The following HSPA12A variants were observed in gnomAD, a reference collection of about 807,000 sequenced individuals.
HSPA12A encodes the protein heat shock 70 kDa protein 12A.
Under a neutral mutation model 69.2 loss-of-function variants are expected in HSPA12A, and 28 were observed. That is an observed-to-expected ratio of 0.40 (90% CI 0.30 to 0.55). The LOEUF is 0.55. Ranked by LOEUF, HSPA12A falls within the 20% of genes least tolerant of loss-of-function variation. The pLI is 0.38. For missense variants in HSPA12A, 686 were observed against 900.7 expected (o/e 0.76, Z 3.05); for synonymous variants, 345 against 370.5 (o/e 0.93, Z 0.79).
At chr10:116,835,036 G>GA in intron 1 of HSPA12A, 2 of 1,223,350 alleles carry the variant, frequency 1.6e-6, no homozygotes, top group Non-Finnish European at 1.0e-6. Context: ...TAGGAGGGGG[G>GA]AAAAGAGTTG....
At chr10:116,837,888 GC>G (rs894336294) in intron 1 of HSPA12A, among the ~76,000 whole-genome samples, 11 of 151,814 alleles carry the variant, frequency 7.2e-5, no homozygotes, top group Non-Finnish European at 1.5e-4. Flanking sequence ...TATGTTGATA[GC>G]CTTTTAAACA....
intron 1 of HSPA12A, among the ~76,000 whole-genome samples, chr10:116,731,759 C>T (rs547951837): frequency 1.3e-5 from 2 of 152,228 alleles, no homozygotes; most frequent in South Asian, 4.1e-4. Context: ...ATATCGTGCC[C>T]CCTAACTCCC....
At chr10:116,748,567 G>C (rs1851702391) in intron 2 of HSPA12A, among the ~76,000 whole-genome samples, 1 of 152,154 alleles carries the variant, frequency 6.6e-6, no homozygotes, top group African/African-American at 2.4e-5. Context: ...TGCTGACAAA[G>C]ACATGCCTGA....
intron 2 of HSPA12A, among the ~76,000 whole-genome samples, chr10:116,792,064 T>G (rs1844710625): frequency 6.6e-6 from 1 of 151,670 alleles, no homozygotes; most frequent in Non-Finnish European, 1.5e-5. Flanking sequence ...AATAATAATA[T>G]AATAATAATG....
intron 2 of HSPA12A, among the ~76,000 whole-genome samples, chr10:116,795,172 C>T (rs973105014): frequency 6.6e-6 from 1 of 152,258 alleles, no homozygotes; most frequent in Non-Finnish European, 1.5e-5. Context: ...TGCAACATGG[C>T]CTTCTTCCAC....
At chr10:116,850,209 TC>T (rs1222500065), upstream of HSPA12A, 2 of 221,126 alleles carry the variant, frequency 9.0e-6, no homozygotes, top group African/African-American at 4.7e-5. Context: ...TCCTACTGGC[TC>T]CTCTGCCGGG....
chr10:116,820,819 T>C (rs1168094594), intron 2 of HSPA12A, among the ~76,000 whole-genome samples: 23 of 152,056 alleles, frequency 1.5e-4, no homozygotes, highest in Non-Finnish European at 1.5e-4. Context: ...GTAACTCTAA[T>C]AAACAGACCC....
intron 1 of HSPA12A, among the ~76,000 whole-genome samples, chr10:116,734,523 G>A (rs1198629909): frequency 2.0e-5 from 3 of 151,564 alleles, no homozygotes; most frequent in African/African-American, 7.3e-5. Context: ...TTCTTATAGG[G>A]ACAATGTCTT....
intron 5 of HSPA12A, among the ~76,000 whole-genome samples, chr10:116,697,468 G>A (rs1460398916): frequency 6.6e-6 from 1 of 151,778 alleles, no homozygotes; most frequent in Non-Finnish European, 1.5e-5. Flanking sequence ...AGGGGGAGGA[G>A]GGGGAGAAAT....
intron 2 of HSPA12A, among the ~76,000 whole-genome samples, chr10:116,813,571 T>TTAAAA (rs1326381887): frequency 6.6e-6 from 1 of 151,890 alleles, no homozygotes; most frequent in African/African-American, 2.4e-5. Flanking sequence ...TTATACATAA[T>TTAAAA]GTCTGGCATT....
chr10:116,787,478 T>C (rs1476508209), intron 2 of HSPA12A, among the ~76,000 whole-genome samples: 2 of 147,152 alleles, frequency 1.4e-5, no homozygotes. Flanking sequence ...AGGCGCCTTC[T>C]GTGAAGTGAT....
At chr10:116,769,951 G>A (rs927728393) in intron 2 of HSPA12A, among the ~76,000 whole-genome samples, 3 of 152,180 alleles carry the variant, frequency 2.0e-5, no homozygotes, top group African/African-American at 7.2e-5. Flanking sequence ...GCTCGCTTGA[G>A]AGTCAGCTCT....
At chr10:116,692,991 T>C (rs1223583296) in intron 5 of HSPA12A, among the ~76,000 whole-genome samples, 6 of 152,178 alleles carry the variant, frequency 3.9e-5, no homozygotes, top group Admixed American at 3.3e-4. Context: ...GAGACTTTGA[T>C]ATGCTCAGTA....
At chr10:116,815,566 C>A (rs969957455) in intron 2 of HSPA12A, among the ~76,000 whole-genome samples, 3 of 152,060 alleles carry the variant, frequency 2.0e-5, no homozygotes, top group Admixed American at 6.6e-5. Context: ...AAGAGTGAGA[C>A]CCTGTCTCAA....
At position 116,735,451 on chromosome 10, in the gene HSPA12A, C is replaced by G. The variant is rs1851285234; in HGVS notation, c.40+6979G>C. On this transcript the variant is annotated intron_variant, in intron 1 of 11. Coordinates refer to ENST00000369209, the MANE Select transcript of HSPA12A (RefSeq NM_025015.3). ...CGCCTCAAGAGGCCTTGCAGCTTCC[C>G]CTCTCATCCTCTTGCTGTCCTGAGG... 3.3e-5 allele frequency among the ~76,000 whole-genome samples: 5 copies of G among 152,292 alleles called. No individual in the cohort carries two copies. In the South Asian group the frequency reaches 1.0e-3, roughly 32 times the overall value.
intron 2 of HSPA12A, among the ~76,000 whole-genome samples, chr10:116,806,116 G>A (rs1046249863): frequency 2.0e-5 from 3 of 152,188 alleles, no homozygotes; most frequent in Non-Finnish European, 2.9e-5. Flanking sequence ...CAGAAGTGGT[G>A]GGCACAAAGT....
At chr10:116,699,268 G>A (rs1242968519) in intron 4 of HSPA12A, among the ~76,000 whole-genome samples, 14 of 152,136 alleles carry the variant, frequency 9.2e-5, no homozygotes, top group South Asian at 4.1e-4. Context: ...TATCTAATCC[G>A]CCAGGAGCCC....
intron 1 of HSPA12A, among the ~76,000 whole-genome samples, chr10:116,837,732 C>T (rs1425706748): frequency 6.6e-6 from 1 of 151,712 alleles, no homozygotes; most frequent in Non-Finnish European, 1.5e-5. Flanking sequence ...ACATACTATA[C>T]CAAAATATAC....
At chr10:116,700,919 G>A (rs985682694) in intron 4 of HSPA12A, 24 bp downstream of exon 4, 1 of 1,608,542 alleles carries the variant, frequency 6.2e-7, no homozygotes, top group Non-Finnish European at 8.5e-7. Flanking sequence ...GGGGGACCTG[G>A]GCCCAGGGGA....
Sources: allele counts gnomAD v4.1 joint callset (sites outside exome capture counted in the v4.1 genomes callset), GRCh38; gene constraint gnomAD v4.1.1; transcripts MANE v1.5; gene names NCBI Gene and HGNC (gene_info 2026-07-23, HGNC 2026-07-21).